Variants in FXN observed in about 807,000 individuals in gnomAD.
FXN encodes the protein frataxin, also known as frataxin, mitochondrial.
FXN carries 14 observed loss-of-function variants against 22.4 expected under a neutral mutation model. The observed-to-expected ratio is 0.62, with a 90% CI of 0.41 to 0.98. The LOEUF is 0.98. FXN is among the 50% of genes least tolerant of loss of function. FXN has a pLI of 0.00. For synonymous variants in FXN, 120 were observed against 114.1 expected (o/e 1.05, Z -0.33); for missense variants, 267 against 268.4 (o/e 0.99, Z 0.04).
intron 1 of FXN, among the ~76,000 whole-genome samples, chr9:69,038,215 G>C (rs371946658): frequency 1.3e-5 from 2 of 152,144 alleles, no homozygotes; most frequent in Non-Finnish European, 2.9e-5. Flanking sequence ...GAGGAGTTGG[G>C]TGGGTGGCAG....
At chr9:69,039,888 C>T (rs963304248) in intron 1 of FXN, among the ~76,000 whole-genome samples, 4 of 152,122 alleles carry the variant, frequency 2.6e-5, no homozygotes, top group African/African-American at 9.7e-5. Flanking sequence ...GGGGACTTTG[C>T]AGAGTATTGA....
At chr9:69,061,386 G>A (rs1048866067) in intron 3 of FXN, among the ~76,000 whole-genome samples, 6 of 152,046 alleles carry the variant, frequency 3.9e-5, no homozygotes, top group Admixed American at 6.6e-5. Context: ...CCTGGAACTC[G>A]CGTCTTATAC....
At position 69,073,683 on chromosome 9, in the gene FXN, G is replaced by A; in HGVS notation, c.*921G>A. On this transcript the variant is annotated 3_prime_UTR_variant, in exon 5 of 5. Coordinates refer to ENST00000484259, the MANE Select transcript of FXN (RefSeq NM_000144.5). ...TGTGGACAAGTTTCCCAAATTCCCTGGACCTCTGCTTCCCCATCTGTTAAA... is the reference window on the plus strand; with the variant it reads ...TGTGGACAAGTTTCCCAAATTCCCTAGACCTCTGCTTCCCCATCTGTTAAA... 3 of 985,314 alleles carry A rather than the reference G, an allele frequency of 3.0e-6. No homozygotes were observed. Among genetic ancestry groups the A allele is most frequent in the Non-Finnish European group, 3.6e-6 (3 of 829,916 alleles). The allele number at this position is 985,314 out of a possible 1,614,324, so 61.0% of individuals were successfully genotyped here.
At chr9:69,061,022 A>G (rs72724252) in intron 3 of FXN, among the ~76,000 whole-genome samples, 1,542 of 152,254 alleles carry the variant, frequency 0.01, 11 homozygotes, top group Non-Finnish European at 0.017. Flanking sequence ...AGTGGGTCTC[A>G]TGTGGGGAGG....
At position 69,078,713 on chromosome 9, in the gene FXN, G is replaced by C. The variant is rs1832415470; in HGVS notation, c.*5951G>C. 1.0e-6 allele frequency: 1 copy of C among 985,476 alleles called. No homozygotes were observed. Among genetic ancestry groups the C allele is most frequent in the Admixed American group, 6.1e-5 (1 of 16,270 alleles). 61.0% of individuals were successfully genotyped at this position (985,476 alleles called of 1,614,324 possible). A position where few individuals can be genotyped will look rare whatever the true frequency, so the allele number is the denominator to read the frequency against. ...TTCACGTGGCTCTCAGACTTGGCCA[G>C]TGCTGTTTCCATTTTGGTCTTTATT... On this transcript the variant is annotated 3_prime_UTR_variant, in exon 5 of 5. Coordinates refer to ENST00000484259, the MANE Select transcript of FXN (RefSeq NM_000144.5).
chr9:69,046,384 G>A lies in FXN; in HGVS notation c.166-1G>A. The A allele has an allele frequency of 6.2e-7, 1 of 1,613,082 alleles. No homozygotes were observed. On this transcript the variant is annotated splice_acceptor_variant, in intron 1 of 4. Transcript: ENST00000484259. LOFTEE classifies it high-confidence loss of function. ...ACGTACTTCTTAACTTTGGCTTTCA[G>A]AGTTCGAACCAACGTGGCCTCAACC...
Position 69,074,222 on chromosome 9 carries a change from C to G in FXN, c.*1460C>G. 10 of 952,594 alleles carry G rather than the reference C, an allele frequency of 1.0e-5. No individual in the cohort carries two copies. Among genetic ancestry groups the G allele is most frequent in the Non-Finnish European group, 1.2e-5 (10 of 800,344 alleles). The allele number at this position is 952,594 out of a possible 1,614,324, so 59.0% of individuals were successfully genotyped here. On this transcript the variant is annotated 3_prime_UTR_variant, in exon 5 of 5. Transcript: ENST00000484259. Reference sequence around the variant, plus strand: ...CAATATAATAATAATAATAGCCATCCTTTATTGTACCCTTACTGGGTTAAT... The same window carrying G: ...CAATATAATAATAATAATAGCCATCGTTTATTGTACCCTTACTGGGTTAAT...
chr9:69,067,663 C>A (rs1445670557), intron 4 of FXN, among the ~76,000 whole-genome samples: 1 of 152,152 alleles, frequency 6.6e-6, no homozygotes, highest in Non-Finnish European at 1.5e-5. Context: ...AAAGATCATC[C>A]TTGAGTCTGC....
chr9:69,041,722 G>C (rs1455673799), intron 1 of FXN, among the ~76,000 whole-genome samples: 3 of 152,212 alleles, frequency 2.0e-5, no homozygotes, highest in Admixed American at 1.3e-4. Flanking sequence ...TCCTTACCAG[G>C]GGGTAGGCAA....
At chr9:69,047,776 G>A (rs948823059) in intron 2 of FXN, among the ~76,000 whole-genome samples, 2 of 151,992 alleles carry the variant, frequency 1.3e-5, no homozygotes, top group Non-Finnish European at 2.9e-5. Context: ...GGAGTGCAGT[G>A]GTGCGATCTC....
rs536734039 is a variant in FXN at position 69,056,905 on chromosome 9, G to A, written c.384+3645G>A. 2.1e-5 allele frequency among the ~76,000 whole-genome samples: 3 copies of A among 142,870 alleles called. 1 individual carries two copies. In the South Asian group the frequency reaches 6.4e-4, roughly 31 times the overall value. 93.7% of individuals were successfully genotyped at this position (142,870 alleles called of 152,430 possible). The stretch of plus-strand genomic sequence containing the variant: ...TTACAGGCGCCTGCCACCACGCCTG[G>A]CTAATTTTTTTATATTTTTAGTAGA... On this transcript the variant is annotated intron_variant, in intron 3 of 4. Coordinates refer to ENST00000484259, the MANE Select transcript of FXN (RefSeq NM_000144.5).
chr9:69,069,815 G>C (rs1039397527), intron 4 of FXN, among the ~76,000 whole-genome samples: 2 of 152,230 alleles, frequency 1.3e-5, no homozygotes, highest in Non-Finnish European at 2.9e-5. Context: ...ACCTCTAGCA[G>C]AGACTAAGCA....
At chr9:69,066,844 G>C (rs1341518936) in intron 4 of FXN, among the ~76,000 whole-genome samples, 1 of 136,582 alleles carries the variant, frequency 7.3e-6, no homozygotes, top group Non-Finnish European at 1.6e-5. Flanking sequence ...TACTGTCACA[G>C]ATACTATCTT....
chr9:69,041,838 C>T (rs142622145), intron 1 of FXN, among the ~76,000 whole-genome samples: 61 of 152,332 alleles, frequency 4.0e-4, no homozygotes, highest in African/African-American at 1.3e-3. Context: ...TGTGAGTGAG[C>T]ACACACATCT....
intron 4 of FXN, among the ~76,000 whole-genome samples, chr9:69,066,384 T>C (rs547796605): frequency 2.6e-5 from 4 of 152,222 alleles, no homozygotes; most frequent in Non-Finnish European, 5.9e-5. Flanking sequence ...GAATAAATAG[T>C]GTGTTTCCTT....
intron 1 of FXN, among the ~76,000 whole-genome samples, chr9:69,037,468 AAATAAT>A (rs141487033): frequency 0.053 from 8,063 of 151,502 alleles, 383 homozygotes; most frequent in East Asian, 0.21. Context: ...CCGTCTCAAA[AAATAAT>A]AATAATAAAT....
At position 69,074,143 on chromosome 9, in the gene FXN, C is replaced by T. The variant is rs1832324509; in HGVS notation, c.*1381C>T. 1 of 602,988 alleles carries T rather than the reference C, an allele frequency of 1.7e-6. No individual in the cohort carries two copies. The highest frequency in any genetic ancestry group is 2.1e-6 in the Non-Finnish European group (1 of 481,084). The allele number at this position is 602,988 out of a possible 1,614,324, so 37.4% of individuals were successfully genotyped here. ...AGGTTGCAGTGAGCCGAGATCGTGC[C>T]ATTGCACTGTAACCTGGGTGACTGA... is the stretch of plus-strand genomic sequence containing the variant. On this transcript the variant is annotated 3_prime_UTR_variant, in exon 5 of 5. Transcript: ENST00000484259.
At chr9:69,049,818 A>G (rs1012618444) in intron 2 of FXN, among the ~76,000 whole-genome samples, 3 of 152,052 alleles carry the variant, frequency 2.0e-5, no homozygotes, top group Admixed American at 2.0e-4. Flanking sequence ...TTTCCCTAAA[A>G]CCCAGCAATC....
In FXN at chr9:69,074,040, C is replaced by T; in HGVS notation, c.*1278C>T. On this transcript the variant is annotated 3_prime_UTR_variant, in exon 5 of 5. Coordinates refer to ENST00000484259, the MANE Select transcript of FXN (RefSeq NM_000144.5). ...CTCTACTAAAAATACAAAAAATTAG[C>T]CGGGCATGATGGCAGGTGCCTGTAA... is the stretch of plus-strand genomic sequence containing the variant. 1 of 339,760 alleles carries T rather than the reference C, an allele frequency of 2.9e-6. No individual in the cohort carries two copies. The highest frequency in any genetic ancestry group is 4.2e-6 in the Non-Finnish European group (1 of 239,700). 21.0% of individuals were successfully genotyped at this position (339,760 alleles called of 1,614,324 possible).
Sources: allele counts gnomAD v4.1 joint callset (sites outside exome capture counted in the v4.1 genomes callset), GRCh38; gene constraint gnomAD v4.1.1; transcripts MANE v1.5; gene names NCBI Gene and HGNC (gene_info 2026-07-23, HGNC 2026-07-21).